The following KCNN3 variants were observed in gnomAD, a reference collection of about 807,000 sequenced individuals.
The protein encoded by KCNN3 is small conductance calcium-activated potassium channel protein 3.
Under a neutral mutation model 62.9 loss-of-function variants are expected in KCNN3, and 16 were observed. That is an observed-to-expected ratio of 0.25 (90% CI 0.17 to 0.39). KCNN3 has a LOEUF of 0.39. Among genes scored for constraint, KCNN3 ranks in the 10% least tolerant of loss-of-function variants. KCNN3 has a pLI of 1.00. For synonymous variants in KCNN3, 370 were observed against 389.2 expected (o/e 0.95, Z 0.58); for missense variants, 599 against 949.4 (o/e 0.63, Z 4.85).
chr1:154,843,518 G>C (rs902451934), intron 1 of KCNN3, among the ~76,000 whole-genome samples: 1 of 152,022 alleles, frequency 6.6e-6, no homozygotes, highest in Admixed American at 6.6e-5. Context: ...CTCCCACCTC[G>C]GCCTCCCAAA....
intron 1 of KCNN3, among the ~76,000 whole-genome samples, chr1:154,855,733 A>G (rs1652495251): frequency 6.6e-6 from 1 of 152,212 alleles, no homozygotes; most frequent in Non-Finnish European, 1.5e-5. Context: ...GCCTAGAACA[A>G]TACACTGGCA....
chr1:154,799,957 AC>A (rs1649890106), intron 2 of KCNN3, among the ~76,000 whole-genome samples: 1 of 152,172 alleles, frequency 6.6e-6, no homozygotes, highest in Admixed American at 6.5e-5. Flanking sequence ...AGGTCCCTTG[AC>A]CTGGCAGCAC....
intron 2 of KCNN3, among the ~76,000 whole-genome samples, chr1:154,813,300 G>A (rs921866444): frequency 1.4e-5 from 2 of 147,336 alleles, no homozygotes; most frequent in African/African-American, 2.5e-5. Flanking sequence ...TACACTGGAA[G>A]CTTCCTGAGA....
chr1:154,801,791 C>A (rs545821362), intron 2 of KCNN3, among the ~76,000 whole-genome samples: 4 of 152,166 alleles, frequency 2.6e-5, no homozygotes, highest in Admixed American at 6.5e-5. Flanking sequence ...AGAGCTGACA[C>A]CCCCGGAGGA....
intron 3 of KCNN3, among the ~76,000 whole-genome samples, chr1:154,735,884 G>A (rs936364921): frequency 2.0e-5 from 3 of 152,236 alleles, no homozygotes; most frequent in Admixed American, 6.5e-5. Context: ...CTCAGTGACT[G>A]TGGGAGGGGA....
intron 2 of KCNN3, among the ~76,000 whole-genome samples, chr1:154,807,894 C>T (rs1650246785): frequency 6.6e-6 from 1 of 152,018 alleles, no homozygotes; most frequent in African/African-American, 2.4e-5. Flanking sequence ...AGGTGGCTCT[C>T]ATCTTTAATC....
intron 3 of KCNN3, among the ~76,000 whole-genome samples, chr1:154,751,224 G>A (rs551938979): frequency 6.6e-6 from 1 of 152,298 alleles, no homozygotes; most frequent in Non-Finnish European, 1.5e-5. Flanking sequence ...GTTTCCTCGT[G>A]TGTACAATAT....
chr1:154,781,469 C>T (rs762862963), intron 2 of KCNN3, among the ~76,000 whole-genome samples: 13 of 152,214 alleles, frequency 8.5e-5, no homozygotes, highest in Non-Finnish European at 1.9e-4. Context: ...ACATGGGAAA[C>T]AGACAAATTC....
At chr1:154,840,607 G>T (rs538038613) in intron 1 of KCNN3, among the ~76,000 whole-genome samples, 1 of 152,168 alleles carries the variant, frequency 6.6e-6, no homozygotes, top group Non-Finnish European at 1.5e-5. Flanking sequence ...TCCTCATATC[G>T]GGACAAAACG....
At chr1:154,854,537 A>G (rs973105868) in intron 1 of KCNN3, among the ~76,000 whole-genome samples, 1 of 152,216 alleles carries the variant, frequency 6.6e-6, no homozygotes, top group African/African-American at 2.4e-5. Context: ...CATAATATAT[A>G]ATTAACTTAG....
intron 2 of KCNN3, among the ~76,000 whole-genome samples, chr1:154,779,476 T>C (rs1648931103): frequency 6.6e-6 from 1 of 152,214 alleles, no homozygotes; most frequent in African/African-American, 2.4e-5. Flanking sequence ...GGGCCATTCC[T>C]TGATGGCCAT....
At chr1:154,715,111 T>C in intron 5 of KCNN3, 108 bp from the exon 6 acceptor site, 1 of 1,362,196 alleles carries the variant, frequency 7.3e-7, no homozygotes. Flanking sequence ...TGCAATGATC[T>C]ATTTTCTTAA....
At chr1:154,807,238 A>G (rs1280840875) in intron 2 of KCNN3, among the ~76,000 whole-genome samples, 5 of 152,156 alleles carry the variant, frequency 3.3e-5, no homozygotes, top group African/African-American at 4.8e-5. Flanking sequence ...AGCTGAGCGC[A>G]GGGTCAAAGA....
chr1:154,797,417 C>T (rs916634281), intron 2 of KCNN3, among the ~76,000 whole-genome samples: 5 of 152,116 alleles, frequency 3.3e-5, no homozygotes, highest in Admixed American at 1.3e-4. Context: ...TAGTACATAG[C>T]GAAAGGAAGT....
Position 154,703,710 on chromosome 1 carries a change from AATCCCATATT to A in KCNN3, c.*4256_*4265del, listed in dbSNP as rs986983204. On this transcript the variant is annotated 3_prime_UTR_variant, in exon 8 of 8. Coordinates refer to ENST00000271915, the MANE Select transcript of KCNN3 (RefSeq NM_002249.6). Reference sequence around the variant, plus strand: ...GAGGAAGGTTCTGGAACTACGTGCTAATCCCATATTTCTCCCTGCTGATTTTACCACTATT... The same window carrying A: ...GAGGAAGGTTCTGGAACTACGTGCTATCTCCCTGCTGATTTTACCACTATT... 29 of 152,302 alleles carry A rather than the reference AATCCCATATT, an allele frequency of 1.9e-4. No homozygotes were observed. The highest frequency in any genetic ancestry group is 7.0e-4 in the African/African-American group (29 of 41,544). 9.4% of individuals were successfully genotyped at this position (152,302 alleles called of 1,614,324 possible). A position where few individuals can be genotyped will look rare whatever the true frequency, so the allele number is the denominator to read the frequency against.
intron 6 of KCNN3, 130 bp from the exon 7 acceptor site, chr1:154,713,663 C>T (rs1700123556): frequency 1.3e-6 from 1 of 745,656 alleles, no homozygotes; most frequent in South Asian, 1.4e-5. Flanking sequence ...ACCTGGGGAA[C>T]AACTGAGGCT....
chr1:154,719,799 T>G (rs1366154847), intron 5 of KCNN3, among the ~76,000 whole-genome samples: 2 of 152,114 alleles, frequency 1.3e-5, no homozygotes, highest in African/African-American at 4.8e-5. Flanking sequence ...TTCATCACCC[T>G]GCTTGCACCT....
intron 1 of KCNN3, among the ~76,000 whole-genome samples, chr1:154,824,113 C>CTA (rs1208498577): frequency 6.6e-6 from 1 of 152,202 alleles, no homozygotes; most frequent in Non-Finnish European, 1.5e-5. Context: ...GTGCTAGATT[C>CTA]TATATATACA....
intron 3 of KCNN3, among the ~76,000 whole-genome samples, chr1:154,740,987 G>T (rs1162566267): frequency 6.6e-6 from 1 of 152,086 alleles, no homozygotes; most frequent in Non-Finnish European, 1.5e-5. Flanking sequence ...TTTACTGTAG[G>T]TGACTTTATC....
Sources: gnomAD v4.1 joint callset for allele counts (sites outside exome capture counted in the v4.1 genomes callset) on GRCh38, gnomAD v4.1.1 for gene constraint, MANE v1.5 for transcripts, NCBI Gene and HGNC (gene_info 2026-07-23, HGNC 2026-07-21) for gene names.